The following SI variants were observed in gnomAD, a reference collection of about 807,000 sequenced individuals.
SI encodes the protein sucrase-isomaltase, intestinal.
In SI, 235 loss-of-function variants were observed where a neutral mutation model predicts 253.3. That is an observed-to-expected ratio of 0.93 (90% CI 0.83 to 1.03). The LOEUF (loss-of-function observed/expected upper bound fraction) is 1.03, where lower values mean the gene tolerates loss of function less well. Ranked by LOEUF, SI falls within the 50% of genes least tolerant of loss-of-function variation. The probability of loss-of-function intolerance (pLI) is 0.00; values close to 1 mark genes in which losing one functional copy is unlikely to be tolerated. For synonymous variants in SI, 819 were observed against 712.0 expected (o/e 1.15, Z -2.39); for missense variants, 2,442 against 2,211.1 (o/e 1.10, Z -2.09).
At chr3:165,085,063 A>G in the SI span, among the ~76,000 whole-genome samples, 2 of 152,080 alleles carry the variant, frequency 1.3e-5, no homozygotes, top group African/African-American at 4.8e-5. Context: ...CTCTAAGGTT[A>G]TTGCTATACT....
At chr3:165,064,170 G>A (rs1714113563) in intron 7 of SI, among the ~76,000 whole-genome samples, 1 of 151,956 alleles carries the variant, frequency 6.6e-6, no homozygotes, top group African/African-American at 2.4e-5. Context: ...GTATGCCCAA[G>A]GTACTGCAGG....
chr3:165,000,924 G>T (rs999216750), intron 37 of SI, among the ~76,000 whole-genome samples: 4 of 150,960 alleles, frequency 2.6e-5, no homozygotes, highest in African/African-American at 9.7e-5. Flanking sequence ...GCATTTTCTT[G>T]AAATATATTT....
At chr3:165,032,336 T>C (rs774031399) in intron 24 of SI, among the ~76,000 whole-genome samples, 186 bp downstream of exon 24, 1 of 150,724 alleles carries the variant, frequency 6.6e-6, no homozygotes, top group Non-Finnish European at 1.5e-5. Context: ...TAAATACAAA[T>C]TGGATTGACA....
At chr3:165,045,414 A>G (rs944072816) in intron 16 of SI, among the ~76,000 whole-genome samples, 1 of 152,212 alleles carries the variant, frequency 6.6e-6, no homozygotes, top group African/African-American at 2.4e-5. Context: ...ATTGGTTGCT[A>G]TAATAAGTGA....
In SI at chr3:164,982,273, C is replaced by A. The variant is rs759867192; in HGVS notation, c.5385G>T (p.Ser1795=). The A allele has an allele frequency of 3.1e-6, 5 of 1,612,698 alleles. No individual in the cohort carries two copies. In the African/African-American group the frequency reaches 5.3e-5, roughly 17 times the overall value. ...TGGTAGTGTCTTCATTAAAAGGAAG[C>A]GAATTTTTATTTCCGTTATACGTTA... The part of the protein sequence containing the change: ...VTLTYNGNKN[S]LPFNEDTTNM... The change falls in exon 47 of 48, where the codon TCG becomes TCT. Residue 1795 remains serine, a synonymous_variant. Transcript: ENST00000264382.
Position 165,039,155 on chromosome 3 carries a change from AT to A in SI, c.2245-22del, listed in dbSNP as rs756734260. The A allele has an allele frequency of 5.3e-6, 8 of 1,496,848 alleles. No individual in the cohort carries two copies. In the African/African-American group the frequency reaches 9.7e-5, roughly 18 times the overall value. 92.7% of individuals were successfully genotyped at this position (1,496,848 alleles called of 1,614,324 possible). A position where few individuals can be genotyped will look rare whatever the true frequency, so the allele number is the denominator to read the frequency against. ...GCTCCCTAAAATAAAGATAATATGT[AT>A]TTTTTAATTTCAATTTTTAACAAGG... On this transcript the variant is annotated intron_variant, in intron 19 of 47. Transcript: ENST00000264382.
At chr3:165,034,444 T>A (rs1252669220) in intron 22 of SI, among the ~76,000 whole-genome samples, 1 of 151,984 alleles carries the variant, frequency 6.6e-6, no homozygotes, top group African/African-American at 2.4e-5. Context: ...AGGTATTATC[T>A]CAACATTGTT....
At chr3:164,989,418 AAG>A (rs1717616837) in intron 44 of SI, among the ~76,000 whole-genome samples, 1 of 149,964 alleles carries the variant, frequency 6.7e-6, no homozygotes, top group Admixed American at 6.7e-5. Flanking sequence ...GAAAGAAAGA[AAG>A]AAAGAAAGAA....
chr3:165,029,581 C>CATATATATATATACATATATATGT lies in SI; in HGVS notation c.2892+1130_2892+1131insACATATATATGTATATATATATAT, dbSNP rs1553773652. On this transcript the variant is annotated intron_variant, in intron 25 of 47. Transcript: ENST00000264382. ...AAAAAAACTGTGGTGTATATATATA[C>CATATATATATATACATATATATGT]ATATATATGTATATATATACATATA... Among the ~76,000 whole-genome samples the CATATATATATATACATATATATGT allele has an allele frequency of 3.1e-5, 4 of 131,140 alleles. No homozygotes were observed. In the East Asian group the frequency reaches 9.8e-4, roughly 32 times the overall value. The allele number at this position is 131,140 out of a possible 152,430, so 86.0% of individuals were successfully genotyped here. A position where few individuals can be genotyped will look rare whatever the true frequency, so the allele number is the denominator to read the frequency against.
chr3:165,028,304 C>T (rs376345464), intron 25 of SI, among the ~76,000 whole-genome samples: 2 of 150,640 alleles, frequency 1.3e-5, no homozygotes, highest in East Asian at 1.9e-4. Context: ...ATGACACAGA[C>T]GGAAACACAT....
At chr3:165,030,935 C>T in intron 24 of SI, 68 bp from the exon 25 acceptor site, 1 of 1,485,722 alleles carries the variant, frequency 6.7e-7, no homozygotes, top group Non-Finnish European at 8.9e-7. Context: ...ACATTAAACA[C>T]TGTATCTGAT....
In SI at chr3:165,007,877, T is replaced by C. The variant is rs906022023; in HGVS notation, c.4267+34A>G. On this transcript the variant is annotated intron_variant, in intron 36 of 47. Transcript: ENST00000264382. ...TACCTATTAATATATAATAATAACA[T>C]GATAATATCAAAGGCATACCAACAA... is the stretch of plus-strand genomic sequence containing the variant. 3.9e-6 allele frequency: 4 copies of C among 1,018,002 alleles called. No individual in the cohort carries two copies. In the African/African-American group the frequency reaches 4.8e-5, roughly 12 times the overall value. The allele number at this position is 1,018,002 out of a possible 1,614,324, so 63.1% of individuals were successfully genotyped here. A position where few individuals can be genotyped will look rare whatever the true frequency, so the allele number is the denominator to read the frequency against.
intron 5 of SI, 108 bp from the exon 6 acceptor site, chr3:165,067,599 A>C: frequency 1.0e-6 from 1 of 961,036 alleles, no homozygotes. Flanking sequence ...CGTGGTGATT[A>C]GTTTCATAGA....
chr3:165,048,561 A>G (rs1035979790), intron 15 of SI, among the ~76,000 whole-genome samples: 9 of 70,216 alleles, frequency 1.3e-4, no homozygotes, highest in Non-Finnish European at 2.4e-4. Context: ...ATATACATAT[A>G]TATATGTATA....
intron 25 of SI, among the ~76,000 whole-genome samples, chr3:165,024,917 G>C (rs529947028): frequency 7.3e-5 from 11 of 151,124 alleles, no homozygotes; most frequent in Non-Finnish European, 1.3e-4. Context: ...AGTTACCAAA[G>C]ACTTCCATGT....
At chr3:165,003,506 A>G (rs1718354581) in intron 37 of SI, among the ~76,000 whole-genome samples, 1 of 152,070 alleles carries the variant, frequency 6.6e-6, no homozygotes, top group Admixed American at 6.6e-5. Flanking sequence ...GATTTGGTGA[A>G]CAAGTGAGTT....
At chr3:165,004,110 C>G (rs192763122) in intron 37 of SI, among the ~76,000 whole-genome samples, 331 of 152,160 alleles carry the variant, frequency 2.2e-3, no homozygotes, top group South Asian at 4.4e-3. Context: ...GGAAAAACTT[C>G]TAATAATCTG....
intron 13 of SI, among the ~76,000 whole-genome samples, chr3:165,052,446 A>T (rs960487236): frequency 6.6e-6 from 1 of 152,142 alleles, no homozygotes; most frequent in African/African-American, 2.4e-5. Context: ...ATTTGAGTCC[A>T]GGAGTTCCAG....
intron 22 of SI, among the ~76,000 whole-genome samples, chr3:165,035,277 T>C (rs1307131117): frequency 2.0e-5 from 3 of 152,002 alleles, no homozygotes; most frequent in African/African-American, 7.2e-5. Context: ...TGGTAAAGAA[T>C]AGTAATAATT....
Sources: gnomAD v4.1 joint callset for allele counts (sites outside exome capture counted in the v4.1 genomes callset) on GRCh38, gnomAD v4.1.1 for gene constraint, MANE v1.5 for transcripts, NCBI Gene and HGNC (gene_info 2026-07-23, HGNC 2026-07-21) for gene names.